Variants in VAV3 observed in about 807,000 individuals in gnomAD.
VAV3 encodes guanine nucleotide exchange factor VAV3.
In VAV3, 94 loss-of-function variants were observed where a neutral mutation model predicts 131.2. The observed-to-expected ratio is 0.72, with a 90% CI of 0.61 to 0.85. VAV3 has a LOEUF of 0.85. Among genes scored for constraint, VAV3 ranks in the 40% least tolerant of loss-of-function variants. The probability of loss-of-function intolerance (pLI) is 0.00; values close to 1 mark genes in which losing one functional copy is unlikely to be tolerated. For synonymous variants in VAV3, 349 were observed against 342.0 expected, an observed-to-expected ratio of 1.02 and a Z score of -0.22; for missense variants, 939 against 1,002.7, an observed-to-expected ratio of 0.94 and a Z score of 0.86.
Position 107,574,164 on chromosome 1 carries a change from A to C in VAV3, c.2385T>G (p.Ala795=). 2 of 1,614,002 alleles carry C rather than the reference A, an allele frequency of 1.2e-6. No individual in the cohort carries two copies. The highest frequency in any genetic ancestry group is 1.7e-6 in the Non-Finnish European group (2 of 1,179,964). ...LSPKVLGIAI[A]RYDFCARDMR... is the part of the protein sequence containing the mutation. Reference sequence around the variant, plus strand: ...TATCTCTTGCACAGAAGTCATACCGAGCGATGGCAATGCCCAGCACTTTTG... The same window carrying C: ...TATCTCTTGCACAGAAGTCATACCGCGCGATGGCAATGCCCAGCACTTTTG... Residue 795 remains alanine, a synonymous_variant, in exon 26 of 27, where the codon GCT becomes GCG. Coordinates refer to ENST00000370056, the MANE Select transcript of VAV3 (RefSeq NM_006113.5).
At chr1:107,577,646 T>C (rs964320985) in intron 25 of VAV3, among the ~76,000 whole-genome samples, 20 of 152,292 alleles carry the variant, frequency 1.3e-4, no homozygotes, top group African/African-American at 4.8e-4. Flanking sequence ...CTTCATTCTA[T>C]CCTGCTGTCT....
At chr1:107,796,927 T>C (rs1456530336) in intron 2 of VAV3, among the ~76,000 whole-genome samples, 16 of 139,906 alleles carry the variant, frequency 1.1e-4, no homozygotes, top group Admixed American at 1.4e-4. Context: ...AAATATTAAA[T>C]AGTTTAATTC....
intron 17 of VAV3, among the ~76,000 whole-genome samples, chr1:107,703,854 A>C (rs535459360): frequency 2.0e-5 from 3 of 152,308 alleles, no homozygotes; most frequent in African/African-American, 7.2e-5. Flanking sequence ...AAAGAGAAAA[A>C]AGAAGAAAGG....
At position 107,770,677 on chromosome 1, in the gene VAV3, T is replaced by A; in HGVS notation, c.607A>T (p.Thr203Ser). The A allele has an allele frequency of 6.2e-7, 1 of 1,612,432 alleles. No individual in the cohort carries two copies. The highest frequency in any genetic ancestry group is 1.1e-5 in the South Asian group (1 of 90,544). The change falls in exon 6 of 27, where the codon ACA (threonine) becomes TCA (serine). Residue 203 changes from threonine to serine, a missense_variant. Thr to Ser is a moderately conservative substitution (Grantham distance 58, BLOSUM62 1). Transcript: ENST00000370056. ...RSCCLAEIKQTEEKYTETLES... is the reference protein window; with the variant it reads ...RSCCLAEIKQSEEKYTETLES... ...AAAGTTTCTGTATATTTTTCTTCTG[T>A]CTGCTTAATTTCTGCTAGACAACAA...
rs756425308 is a variant in VAV3, at chr1:107,705,063, T to A, written c.1503-2A>T. The A allele has an allele frequency of 6.3e-7, 1 of 1,597,574 alleles. No homozygotes were observed. The highest frequency in any genetic ancestry group is 1.1e-5 in the South Asian group (1 of 89,992). ...GCATAGTCTGGTCTTATGTTAGACCTAAAAAAAGGAAAAAAATAACTTTCT... is the reference window on the plus strand; with the variant it reads ...GCATAGTCTGGTCTTATGTTAGACCAAAAAAAAGGAAAAAAATAACTTTCT... On this transcript the variant is annotated splice_acceptor_variant, in intron 15 of 26. Coordinates refer to ENST00000370056, the MANE Select transcript of VAV3 (RefSeq NM_006113.5). LOFTEE classifies it high-confidence loss of function.
intron 1 of VAV3, among the ~76,000 whole-genome samples, chr1:107,908,235 C>T (rs1571125224): frequency 6.6e-6 from 1 of 152,202 alleles, no homozygotes; most frequent in Non-Finnish European, 1.5e-5. Context: ...CTTCCCCCAG[C>T]AGTGGCTGGT....
At chr1:107,749,243 C>T (rs1238391755) in intron 14 of VAV3, among the ~76,000 whole-genome samples, 166 bp from the exon 15 acceptor site, 1 of 152,128 alleles carries the variant, frequency 6.6e-6, no homozygotes, top group African/African-American at 2.4e-5. Flanking sequence ...ATTTCTATGC[C>T]AAATGCGTTT....
chr1:107,661,832 C>T (rs1657044541), intron 19 of VAV3, among the ~76,000 whole-genome samples: 1 of 152,126 alleles, frequency 6.6e-6, no homozygotes, highest in Admixed American at 6.6e-5. Flanking sequence ...CTTAGAACAA[C>T]ATCATTACAA....
intron 18 of VAV3, among the ~76,000 whole-genome samples, chr1:107,687,616 T>C (rs1659126403): frequency 6.6e-6 from 1 of 152,152 alleles, no homozygotes; most frequent in Admixed American, 6.5e-5. Context: ...GTCAAGGCAA[T>C]GATTGTCTGG....
chr1:107,822,383 G>A (rs908986745), intron 2 of VAV3, among the ~76,000 whole-genome samples: 1 of 152,088 alleles, frequency 6.6e-6, no homozygotes, highest in Admixed American at 6.5e-5. Context: ...GGCTGGGCGC[G>A]GTGGCTCATG....
intron 2 of VAV3, among the ~76,000 whole-genome samples, chr1:107,819,704 A>G (rs1314723738): frequency 1.3e-5 from 2 of 152,186 alleles, no homozygotes; most frequent in African/African-American, 2.4e-5. Flanking sequence ...CTTTAAAAAT[A>G]TATACACCGC....
intron 15 of VAV3, among the ~76,000 whole-genome samples, chr1:107,739,989 T>C (rs1662910704): frequency 6.6e-6 from 1 of 152,166 alleles, no homozygotes; most frequent in Admixed American, 6.5e-5. Flanking sequence ...GCATCACTGA[T>C]TAAACAATGC....
In VAV3 at chr1:107,845,122, C is replaced by T. The variant is rs185364530; in HGVS notation, c.321+29779G>A. Among the ~76,000 whole-genome samples, 493 of 152,328 alleles carry T rather than the reference C, an allele frequency of 3.2e-3. 2 individuals carry two copies. The highest frequency in any genetic ancestry group is 6.8e-3 in the Middle Eastern group (2 of 294). ...TCCAGAGAAAGGAACAGGCAGCAATCTTTGCTCTTCTGCAGCATCCACTGG... is the reference window on the plus strand; with the variant it reads ...TCCAGAGAAAGGAACAGGCAGCAATTTTTGCTCTTCTGCAGCATCCACTGG... On this transcript the variant is annotated intron_variant, in intron 2 of 26. Coordinates refer to ENST00000370056, the MANE Select transcript of VAV3 (RefSeq NM_006113.5).
intron 19 of VAV3, among the ~76,000 whole-genome samples, chr1:107,659,901 C>A (rs1656879080): frequency 6.6e-6 from 1 of 152,104 alleles, no homozygotes. Flanking sequence ...CATCCCTCAT[C>A]CGCACAATGT....
chr1:107,697,108 T>C (rs1659790897), intron 17 of VAV3, among the ~76,000 whole-genome samples: 1 of 152,148 alleles, frequency 6.6e-6, no homozygotes, highest in Non-Finnish European at 1.5e-5. Context: ...AGTTACCACC[T>C]ATACCAGGGT....
chr1:107,709,833 C>T (rs1660673668), intron 15 of VAV3, among the ~76,000 whole-genome samples: 1 of 152,168 alleles, frequency 6.6e-6, no homozygotes, highest in South Asian at 2.1e-4. Context: ...TTTCCTGAGG[C>T]CTCCCCAGCC....
intron 2 of VAV3, among the ~76,000 whole-genome samples, chr1:107,846,349 A>G (rs1423805222): frequency 1.3e-5 from 2 of 152,190 alleles, no homozygotes; most frequent in East Asian, 3.8e-4. Context: ...AAAACATACC[A>G]AATTGTAAAG....
intron 1 of VAV3, among the ~76,000 whole-genome samples, chr1:107,953,133 T>C (rs1320701317): frequency 1.3e-5 from 2 of 152,200 alleles, no homozygotes; most frequent in Non-Finnish European, 2.9e-5. Context: ...TCACCGAATC[T>C]GGAATTAGGA....
chr1:107,689,306 C>G (rs552677994), intron 17 of VAV3, among the ~76,000 whole-genome samples: 1 of 152,188 alleles, frequency 6.6e-6, no homozygotes, highest in Admixed American at 6.5e-5. Context: ...AAAGATGCCA[C>G]AGAGAGACAT....
Sources: gnomAD v4.1 joint callset for allele counts (sites outside exome capture counted in the v4.1 genomes callset) on GRCh38, gnomAD v4.1.1 for gene constraint, MANE v1.5 for transcripts, NCBI Gene and HGNC (gene_info 2026-07-23, HGNC 2026-07-21) for gene names.